The following HPSE2 variants were observed in gnomAD, a reference collection of about 807,000 sequenced individuals.
The protein encoded by HPSE2 is inactive heparanase-2.
In HPSE2, 38 loss-of-function variants were observed where a neutral mutation model predicts 60.5. That is an observed-to-expected ratio of 0.63 (90% CI 0.48 to 0.82). The LOEUF (loss-of-function observed/expected upper bound fraction) is 0.82. Ranked by LOEUF, HPSE2 falls within the 40% of genes least tolerant of loss-of-function variation. The pLI, the probability that HPSE2 is intolerant of heterozygous loss-of-function variation, is 0.00. For missense variants in HPSE2, 713 were observed against 740.4 expected, an observed-to-expected ratio of 0.96 and a Z score of 0.43; for synonymous variants, 295 against 293.2, an observed-to-expected ratio of 1.01 and a Z score of -0.06.
chr10:98,915,955 A>T (rs1954109766), intron 3 of HPSE2, among the ~76,000 whole-genome samples: 1 of 152,202 alleles, frequency 6.6e-6, no homozygotes. Context: ...ACTTTGTATG[A>T]CTTTTTTTTC....
the HPSE2 span, among the ~76,000 whole-genome samples, chr10:99,273,518 G>A: frequency 6.6e-6 from 1 of 152,164 alleles, no homozygotes; most frequent in East Asian, 1.9e-4. Flanking sequence ...ATTTACAAAT[G>A]ATAGACAAGG....
chr10:99,300,517 G>GTAC, the HPSE2 span, among the ~76,000 whole-genome samples: 4 of 152,296 alleles, frequency 2.6e-5, no homozygotes, highest in South Asian at 8.3e-4. Flanking sequence ...TCACCCCCTT[G>GTAC]GTTGTACCAT....
intron 3 of HPSE2, among the ~76,000 whole-genome samples, chr10:98,943,500 T>A (rs1167252754): frequency 6.6e-6 from 1 of 152,094 alleles, no homozygotes; most frequent in Non-Finnish European, 1.5e-5. Context: ...TTCGTATTCA[T>A]AGCCCTGTGT....
chr10:98,819,327 C>T (rs1226122326), intron 3 of HPSE2, among the ~76,000 whole-genome samples: 1 of 151,430 alleles, frequency 6.6e-6, no homozygotes, highest in East Asian at 1.9e-4. Flanking sequence ...CCTTGAAGTA[C>T]TGAAAAAAAA....
intron 3 of HPSE2, among the ~76,000 whole-genome samples, chr10:98,975,240 C>T (rs1400590033): frequency 3.3e-5 from 5 of 152,106 alleles, no homozygotes; most frequent in African/African-American, 4.8e-5. Flanking sequence ...TCAGTGTGCA[C>T]TCTGTTGGAT....
chr10:98,757,057 A>G (rs1202196543), intron 3 of HPSE2, among the ~76,000 whole-genome samples: 1 of 152,218 alleles, frequency 6.6e-6, no homozygotes, highest in Non-Finnish European at 1.5e-5. Context: ...GATTCATCAC[A>G]TAAATAGAAC....
chr10:98,839,991 T>G (rs529774304), intron 3 of HPSE2, among the ~76,000 whole-genome samples: 2 of 152,240 alleles, frequency 1.3e-5, no homozygotes, highest in South Asian at 2.1e-4. Context: ...TTAAACCTTA[T>G]GACAATCATT....
chr10:98,515,720 G>C (rs1293814344), intron 9 of HPSE2, among the ~76,000 whole-genome samples: 1 of 152,062 alleles, frequency 6.6e-6, no homozygotes, highest in African/African-American at 2.4e-5. Context: ...ATGAAAAAAA[G>C]TTTTCATTTT....
intron 2 of HPSE2, among the ~76,000 whole-genome samples, chr10:99,206,072 T>C (rs1233810836): frequency 6.6e-6 from 1 of 152,190 alleles, no homozygotes; most frequent in Non-Finnish European, 1.5e-5. Flanking sequence ...AATTGCTTGA[T>C]ACATACTGTA....
At chr10:99,125,714 C>T (rs1172808167) in intron 3 of HPSE2, among the ~76,000 whole-genome samples, 3 of 152,200 alleles carry the variant, frequency 2.0e-5, no homozygotes, top group Admixed American at 6.5e-5. Context: ...AAATCCAGAT[C>T]ACAGGAGAAA....
At chr10:98,611,726 T>C (rs1166352855) in intron 9 of HPSE2, among the ~76,000 whole-genome samples, 1 of 152,212 alleles carries the variant, frequency 6.6e-6, no homozygotes, top group East Asian at 1.9e-4. Flanking sequence ...CTCTCCCAGC[T>C]GCCAAGTTCT....
At chr10:98,582,567 T>C (rs1944830066) in intron 9 of HPSE2, among the ~76,000 whole-genome samples, 1 of 152,122 alleles carries the variant, frequency 6.6e-6, no homozygotes, top group Non-Finnish European at 1.5e-5. Context: ...ATCAGCTCCA[T>C]CTGTGTCTCG....
At chr10:98,515,282 T>G (rs1373553316) in intron 9 of HPSE2, among the ~76,000 whole-genome samples, 1 of 152,196 alleles carries the variant, frequency 6.6e-6, no homozygotes, top group African/African-American at 2.4e-5. Context: ...AGCCGGCTGC[T>G]TTACCTTTTC....
At chr10:98,755,513 A>G (rs1038793160) in intron 3 of HPSE2, among the ~76,000 whole-genome samples, 3 of 152,208 alleles carry the variant, frequency 2.0e-5, no homozygotes, top group African/African-American at 7.2e-5. Context: ...ACTTGACCAA[A>G]TGGACCTAAC....
chr10:99,054,032 G>A (rs1407949214), intron 3 of HPSE2, among the ~76,000 whole-genome samples: 1 of 151,918 alleles, frequency 6.6e-6, no homozygotes, highest in African/African-American at 2.4e-5. Context: ...CACTGTGCCT[G>A]GTCAAGAGTT....
At chr10:99,301,559 T>C in the HPSE2 span, among the ~76,000 whole-genome samples, 3 of 152,194 alleles carry the variant, frequency 2.0e-5, no homozygotes, top group African/African-American at 7.2e-5. Flanking sequence ...CCTCTTTCCT[T>C]TGCAAATTGC....
At chr10:98,811,427 G>C (rs919040069) in intron 3 of HPSE2, among the ~76,000 whole-genome samples, 1 of 152,130 alleles carries the variant, frequency 6.6e-6, no homozygotes, top group Non-Finnish European at 1.5e-5. Context: ...CAGAGTAGGT[G>C]CTCAATAAAT....
intron 9 of HPSE2, among the ~76,000 whole-genome samples, chr10:98,519,925 A>G (rs1380742480): frequency 6.6e-6 from 1 of 152,270 alleles, no homozygotes; most frequent in Non-Finnish European, 1.5e-5. Context: ...TCTGAGTAGC[A>G]GCAACATACA....
intron 3 of HPSE2, among the ~76,000 whole-genome samples, chr10:98,760,179 G>C (rs960399558): frequency 2.6e-5 from 4 of 151,924 alleles, no homozygotes; most frequent in African/African-American, 9.7e-5. Context: ...CAATTTTTTA[G>C]TGAAGTATTT....
Sources: gnomAD v4.1 joint callset for allele counts (sites outside exome capture counted in the v4.1 genomes callset) on GRCh38, gnomAD v4.1.1 for gene constraint, MANE v1.5 for transcripts, NCBI Gene and HGNC (gene_info 2026-07-23, HGNC 2026-07-21) for gene names.